The following ARHGAP22 variants were observed in gnomAD, a reference collection of about 807,000 sequenced individuals.
ARHGAP22 encodes rho GTPase-activating protein 22.
ARHGAP22 carries 48 observed loss-of-function variants against 59.1 expected under a neutral mutation model. The ratio of observed to expected loss-of-function variants is 0.81; its 90% CI spans 0.64 to 1.03. ARHGAP22 has a LOEUF of 1.03. Among genes scored for constraint, ARHGAP22 ranks in the 50% least tolerant of loss-of-function variants. ARHGAP22 has a pLI of 0.00. For synonymous variants in ARHGAP22, 445 were observed against 416.4 expected, an observed-to-expected ratio of 1.07 and a Z score of -0.84; for missense variants, 1,015 against 958.7, an observed-to-expected ratio of 1.06 and a Z score of -0.78.
At chr10:48,612,460 C>T (rs1167054231) in intron 1 of ARHGAP22, among the ~76,000 whole-genome samples, 1 of 152,154 alleles carries the variant, frequency 6.6e-6, no homozygotes, top group Non-Finnish European at 1.5e-5. Context: ...GAGTGTGACC[C>T]AGAGATGGAC....
intron 3 of ARHGAP22, among the ~76,000 whole-genome samples, chr10:48,483,193 T>G (rs1168224350): frequency 6.6e-6 from 1 of 152,186 alleles, no homozygotes; most frequent in Non-Finnish European, 1.5e-5. Context: ...ACACGTAGGT[T>G]GATTCCATAT....
At chr10:48,442,578 T>C (rs1300842564), downstream of ARHGAP22, among the ~76,000 whole-genome samples, 6 of 143,734 alleles carry the variant, frequency 4.2e-5, no homozygotes, top group Non-Finnish European at 6.1e-5. Context: ...GCTGAACCAA[T>C]GAACCCACGT....
chr10:48,481,188 T>C (rs568514666), intron 3 of ARHGAP22, among the ~76,000 whole-genome samples: 4 of 152,354 alleles, frequency 2.6e-5, no homozygotes, highest in Admixed American at 2.0e-4. Flanking sequence ...CCCCAGAGGC[T>C]GCTCGGTTGG....
chr10:48,551,317 G>C (rs1374615231), intron 3 of ARHGAP22, among the ~76,000 whole-genome samples: 3 of 152,202 alleles, frequency 2.0e-5, no homozygotes, highest in Non-Finnish European at 4.4e-5. Flanking sequence ...GAGGGCCCAT[G>C]TCATCCTCTT....
At chr10:48,501,458 C>T (rs932560983) in intron 3 of ARHGAP22, among the ~76,000 whole-genome samples, 1 of 152,216 alleles carries the variant, frequency 6.6e-6, no homozygotes, top group African/African-American at 2.4e-5. Context: ...GGTTTACCAG[C>T]ATCTCAAGGG....
intron 2 of ARHGAP22, chr10:48,574,712 G>A (rs2058602201): frequency 6.6e-6 from 1 of 152,248 alleles, no homozygotes; most frequent in Admixed American, 6.5e-5. Context: ...GGTTTTTGTG[G>A]GCAGACATTA....
Position 48,450,222 on chromosome 10 carries a change from C to T in ARHGAP22, c.1868+39G>A, listed in dbSNP as rs761302137. On this transcript the variant is annotated intron_variant, in intron 9 of 9. Transcript: ENST00000249601. Reference sequence around the variant, plus strand: ...AAGAGCACGGCTCTCCCTGCAGGCTCCGCCCCGTCACAGGAGGCTCCACGG... The same window carrying T: ...AAGAGCACGGCTCTCCCTGCAGGCTTCGCCCCGTCACAGGAGGCTCCACGG... 6.9e-6 allele frequency: 11 copies of T among 1,594,818 alleles called. No homozygotes were observed. The South Asian group carries it at 1.3e-4, about 18-fold the overall frequency.
At chr10:48,467,000 T>C (rs578026618) in intron 4 of ARHGAP22, among the ~76,000 whole-genome samples, 6 of 152,186 alleles carry the variant, frequency 3.9e-5, no homozygotes, top group Non-Finnish European at 5.9e-5. Flanking sequence ...GGTGAGGCAA[T>C]GGAGGTCCAG....
intron 5 of ARHGAP22, among the ~76,000 whole-genome samples, chr10:48,459,209 C>T (rs1025858228): frequency 2.0e-5 from 3 of 152,148 alleles, no homozygotes; most frequent in African/African-American, 7.2e-5. Context: ...ATGGCCCCGG[C>T]CCCAGAGCAG....
intron 3 of ARHGAP22, among the ~76,000 whole-genome samples, chr10:48,542,610 C>T (rs1590060900): frequency 6.6e-6 from 1 of 152,168 alleles, no homozygotes; most frequent in African/African-American, 2.4e-5. Context: ...GCTGTCTTCC[C>T]CTCATGCCCA....
chr10:48,551,483 A>T (rs2056887113), intron 3 of ARHGAP22, among the ~76,000 whole-genome samples: 1 of 152,188 alleles, frequency 6.6e-6, no homozygotes, highest in African/African-American at 2.4e-5. Context: ...ATGAAAAGCA[A>T]ATCTTGTGTG....
At chr10:48,647,415 A>G (rs1462427468) in intron 1 of ARHGAP22, among the ~76,000 whole-genome samples, 3 of 152,218 alleles carry the variant, frequency 2.0e-5, no homozygotes, top group African/African-American at 7.2e-5. Context: ...AAATGGAAAT[A>G]AAAAGGCATA....
At chr10:48,472,967 A>G (rs980707413) in intron 4 of ARHGAP22, among the ~76,000 whole-genome samples, 2 of 152,222 alleles carry the variant, frequency 1.3e-5, no homozygotes, top group African/African-American at 2.4e-5. Context: ...TAGAATTACC[A>G]TATGATCTAG....
At chr10:48,431,144 A>G in the ARHGAP22 span, 1 of 1,198,348 alleles carries the variant, frequency 8.3e-7, no homozygotes, top group Non-Finnish European at 1.2e-6. Context: ...GCGTTGTGAG[A>G]TTGGCTCTTA....
intron 8 of ARHGAP22, chr10:48,451,569 G>A (rs2045952666): frequency 2.8e-6 from 2 of 702,262 alleles, no homozygotes; most frequent in African/African-American, 1.7e-5. Flanking sequence ...CACACTCTGG[G>A]AGCATAGGGC....
At chr10:48,505,681 CT>C (rs1046948792) in intron 3 of ARHGAP22, among the ~76,000 whole-genome samples, 2 of 152,152 alleles carry the variant, frequency 1.3e-5, no homozygotes, top group Non-Finnish European at 2.9e-5. Context: ...TGGGGATCCC[CT>C]GGGAGGATTT....
intron 3 of ARHGAP22, among the ~76,000 whole-genome samples, chr10:48,553,848 C>A (rs2057094592): frequency 2.0e-5 from 3 of 152,156 alleles, no homozygotes; most frequent in African/African-American, 7.2e-5. Flanking sequence ...CACTCAGTGC[C>A]TTTCTGAATT....
intron 3 of ARHGAP22, among the ~76,000 whole-genome samples, chr10:48,505,910 GCC>G (rs2052072683): frequency 6.6e-6 from 1 of 152,196 alleles, no homozygotes; most frequent in Non-Finnish European, 1.5e-5. Context: ...TGTTCTACCG[GCC>G]CAATACTCCG....
intron 3 of ARHGAP22, among the ~76,000 whole-genome samples, chr10:48,482,034 A>T (rs2049375178): frequency 6.6e-6 from 1 of 152,186 alleles, no homozygotes; most frequent in Non-Finnish European, 1.5e-5. Context: ...TGCTTTGCAA[A>T]TATTTCTCCC....
Sources: allele counts gnomAD v4.1 joint callset (sites outside exome capture counted in the v4.1 genomes callset), GRCh38; gene constraint gnomAD v4.1.1; transcripts MANE v1.5; gene names NCBI Gene and HGNC (gene_info 2026-07-23, HGNC 2026-07-21).